Variants in PAPPA observed in about 807,000 individuals in gnomAD.
PAPPA encodes the protein pappalysin 1, also known as pappalysin-1.
PAPPA carries 60 observed loss-of-function variants against 164.0 expected under a neutral mutation model. That is an observed-to-expected ratio of 0.37 (90% CI 0.30 to 0.45). The LOEUF is 0.45. Ranked by LOEUF, PAPPA falls within the 20% of genes least tolerant of loss-of-function variation. The probability of loss-of-function intolerance (pLI) is 1.00; values close to 1 mark genes in which losing one functional copy is unlikely to be tolerated. For synonymous variants in PAPPA, 875 were observed against 814.1 expected (o/e 1.07, Z -1.27); for missense variants, 1,782 against 2,087.3 (o/e 0.85, Z 2.85).
At chr9:116,178,178 C>T (rs903537435) in intron 1 of PAPPA, among the ~76,000 whole-genome samples, 3 of 152,216 alleles carry the variant, frequency 2.0e-5, no homozygotes, top group Non-Finnish European at 4.4e-5. Context: ...GCGATCTCGG[C>T]TTACTGCAAT....
At chr9:116,195,068 C>T (rs1844088068) in intron 2 of PAPPA, among the ~76,000 whole-genome samples, 1 of 152,152 alleles carries the variant, frequency 6.6e-6, no homozygotes, top group African/African-American at 2.4e-5. Context: ...CAAAACCATT[C>T]CAGGCAATGT....
chr9:116,195,245 C>G (rs1380212829), intron 2 of PAPPA, among the ~76,000 whole-genome samples: 1 of 152,148 alleles, frequency 6.6e-6, no homozygotes, highest in Non-Finnish European at 1.5e-5. Context: ...TTTCTTCATG[C>G]TTTTCTTCTG....
chr9:116,348,701 T>A (rs527470466), intron 15 of PAPPA, among the ~76,000 whole-genome samples: 1 of 152,286 alleles, frequency 6.6e-6, no homozygotes, highest in East Asian at 1.9e-4. Context: ...CTCCTCTATG[T>A]GTCCATGTGT....
At chr9:116,203,505 T>A (rs1383944566) in intron 2 of PAPPA, among the ~76,000 whole-genome samples, 1 of 152,176 alleles carries the variant, frequency 6.6e-6, no homozygotes, top group Admixed American at 6.5e-5. Flanking sequence ...AGCAGATTGA[T>A]AAGTACTGGA....
chr9:116,170,916 A>G (rs2118589618), intron 1 of PAPPA, among the ~76,000 whole-genome samples: 1 of 152,070 alleles, frequency 6.6e-6, no homozygotes, highest in East Asian at 1.9e-4. Flanking sequence ...TCTTCACTGA[A>G]CCTTATGCTT....
chr9:116,183,216 T>C (rs970452910), intron 1 of PAPPA, among the ~76,000 whole-genome samples: 7 of 152,180 alleles, frequency 4.6e-5, no homozygotes, highest in Non-Finnish European at 1.0e-4. Context: ...TTGTGTGTCC[T>C]GTATAGAGAT....
At chr9:116,304,077 T>G (rs985534336) in intron 10 of PAPPA, among the ~76,000 whole-genome samples, 1 of 152,222 alleles carries the variant, frequency 6.6e-6, no homozygotes, top group South Asian at 2.1e-4. Context: ...AGTGCACAGA[T>G]AGATGAATGG....
intron 2 of PAPPA, among the ~76,000 whole-genome samples, chr9:116,200,115 T>TC (rs952817429): frequency 8.5e-5 from 13 of 152,170 alleles, no homozygotes; most frequent in Non-Finnish European, 1.5e-4. Flanking sequence ...GCCATTGCTG[T>TC]CCCCTCCAGC....
intron 10 of PAPPA, among the ~76,000 whole-genome samples, chr9:116,308,722 C>G (rs1845678221): frequency 6.6e-6 from 1 of 152,190 alleles, no homozygotes; most frequent in African/African-American, 2.4e-5. Context: ...CATTCCCTCT[C>G]TCTAATACCC....
intron 2 of PAPPA, among the ~76,000 whole-genome samples, chr9:116,196,833 C>T (rs951923569): frequency 6.6e-6 from 1 of 152,136 alleles, no homozygotes; most frequent in Non-Finnish European, 1.5e-5. Context: ...GTCTCCACAT[C>T]GAGCTTCTGA....
At chr9:116,365,775 G>GTGT (rs1205258494) in intron 18 of PAPPA, among the ~76,000 whole-genome samples, 1 of 151,936 alleles carries the variant, frequency 6.6e-6, no homozygotes, top group African/African-American at 2.4e-5. Context: ...ATTTTTGTCT[G>GTGT]TGTTATCCCC....
At chr9:116,341,030 T>TTTTATTTATTTATTTATTTA (rs370348154) in intron 13 of PAPPA, among the ~76,000 whole-genome samples, 46 of 151,050 alleles carry the variant, frequency 3.0e-4, no homozygotes, top group African/African-American at 1.1e-3. Flanking sequence ...TATTTTTTTG[T>TTTTATTTATTTATTTATTTA]TTTATTTATT....
rs995279641 is a variant in PAPPA, at chr9:116,235,245, C to G, written c.2340C>G (p.Gly780=). 1 of 1,614,186 alleles carries G rather than the reference C, an allele frequency of 6.2e-7. No homozygotes were observed. Among genetic ancestry groups the G allele is most frequent in the Non-Finnish European group, 8.5e-7 (1 of 1,180,032 alleles). ...CTCCAGCCTGCCCTGAGCCTCAAGG[C>G]TGCTACCTCGAGCTGGAGTTCCTCT... The part of the protein sequence containing the change: ...TVPPACPEPQ[G]CYLELEFLYP... Residue 780 remains glycine (G), a synonymous_variant, in exon 7 of 22, where the codon GGC becomes GGG. Coordinates refer to ENST00000328252, the MANE Select transcript of PAPPA (RefSeq NM_002581.5).
At chr9:116,165,991 TA>T (rs1274845645) in intron 1 of PAPPA, among the ~76,000 whole-genome samples, 1 of 152,216 alleles carries the variant, frequency 6.6e-6, no homozygotes, top group African/African-American at 2.4e-5. Context: ...ATCTGACCTA[TA>T]AAGGGGCTAT....
chr9:116,246,691 A>C (rs1381672754), intron 7 of PAPPA, among the ~76,000 whole-genome samples: 1 of 152,160 alleles, frequency 6.6e-6, no homozygotes, highest in Non-Finnish European at 1.5e-5. Flanking sequence ...ATTGAAGTCA[A>C]GTTTGCTAAA....
At chr9:116,238,513 C>T (rs1175491219) in intron 7 of PAPPA, among the ~76,000 whole-genome samples, 1 of 152,204 alleles carries the variant, frequency 6.6e-6, no homozygotes, top group East Asian at 1.9e-4. Context: ...ATTAGGATGA[C>T]TCAGACCAGT....
chr9:116,250,884 C>T (rs1844852750), intron 7 of PAPPA, among the ~76,000 whole-genome samples: 1 of 152,190 alleles, frequency 6.6e-6, no homozygotes, highest in Non-Finnish European at 1.5e-5. Context: ...GACCTTGGGA[C>T]TCACATTTGA....
Position 116,301,583 on chromosome 9 carries a change from C to T in PAPPA, c.2954-1174C>T, listed in dbSNP as rs117333443. ...AATATCAAGAAACATGCATAGGTCA[C>T]ACCTACTTAGAAGGCATCCTACTGC... On this transcript the variant is annotated intron_variant, in intron 9 of 21. Coordinates refer to ENST00000328252, the MANE Select transcript of PAPPA (RefSeq NM_002581.5). Among the ~76,000 whole-genome samples, 1,447 of 152,344 alleles carry T rather than the reference C, an allele frequency of 9.5e-3. 16 individuals are homozygous for T. The highest frequency in any genetic ancestry group is 0.037 in the South Asian group (179 of 4,826).
chr9:116,394,904 A>C (rs1216587855), intron 21 of PAPPA, among the ~76,000 whole-genome samples: 2 of 152,214 alleles, frequency 1.3e-5, no homozygotes, highest in African/African-American at 4.8e-5. Context: ...TCTGTGGCTT[A>C]GGGCCTGTGA....
Sources: gnomAD v4.1 joint callset for allele counts (sites outside exome capture counted in the v4.1 genomes callset) on GRCh38, gnomAD v4.1.1 for gene constraint, MANE v1.5 for transcripts, NCBI Gene and HGNC (gene_info 2026-07-23, HGNC 2026-07-21) for gene names.